SLC24A2: variants seen among roughly 807,000 people sequenced by gnomAD.
SLC24A2 encodes the protein sodium/potassium/calcium exchanger 2.
Under a neutral mutation model 62.0 loss-of-function variants are expected in SLC24A2, and 36 were observed. The observed-to-expected ratio is 0.58, with a 90% CI of 0.44 to 0.77. The LOEUF (loss-of-function observed/expected upper bound fraction) is 0.77. Ranked by LOEUF, SLC24A2 falls within the 30% of genes least tolerant of loss-of-function variation. SLC24A2 has a pLI of 0.00. For missense variants in SLC24A2, 846 were observed against 817.9 expected (o/e 1.03, Z -0.42); for synonymous variants, 358 against 294.0 (o/e 1.22, Z -2.23).
the SLC24A2 span, among the ~76,000 whole-genome samples, chr9:19,883,290 T>A: frequency 2.0e-5 from 3 of 152,220 alleles, no homozygotes; most frequent in African/African-American, 7.2e-5. Context: ...AAACTTCTAG[T>A]ATCATAATTG....
At chr9:20,179,193 G>A in the SLC24A2 span, among the ~76,000 whole-genome samples, 1 of 152,194 alleles carries the variant, frequency 6.6e-6, no homozygotes, top group Admixed American at 6.6e-5. Flanking sequence ...ACGACTCTTG[G>A]GGCCCAAGGG....
At chr9:20,011,795 CA>C in the SLC24A2 span, among the ~76,000 whole-genome samples, 1 of 152,040 alleles carries the variant, frequency 6.6e-6, no homozygotes, top group Non-Finnish European at 1.5e-5. Flanking sequence ...AAAAGAATAT[CA>C]AAAACAGCAA....
At chr9:19,539,098 T>C (rs201311394) in intron 8 of SLC24A2, among the ~76,000 whole-genome samples, 3 of 72,476 alleles carry the variant, frequency 4.1e-5, no homozygotes, top group African/African-American at 5.6e-5. Context: ...TCTCTCTTTT[T>C]TTCTTTATTA....
the SLC24A2 span, among the ~76,000 whole-genome samples, chr9:20,058,645 G>C: frequency 6.6e-6 from 1 of 152,138 alleles, no homozygotes; most frequent in Non-Finnish European, 1.5e-5. Flanking sequence ...GCTGCATGTA[G>C]AGACTCACGT....
intron 8 of SLC24A2, among the ~76,000 whole-genome samples, chr9:19,549,030 C>A (rs1242335920): frequency 4.6e-5 from 7 of 152,218 alleles, no homozygotes; most frequent in Admixed American, 2.6e-4. Flanking sequence ...CCCAAGAACT[C>A]ACTTCAACAA....
intron 2 of SLC24A2, among the ~76,000 whole-genome samples, chr9:19,637,508 A>G (rs2118050164): frequency 6.6e-6 from 1 of 152,368 alleles, no homozygotes; most frequent in African/African-American, 2.4e-5. Context: ...ACAAGGGGGA[A>G]GCAGAAGAAC....
chr9:20,235,441 T>G, the SLC24A2 span, among the ~76,000 whole-genome samples: 1 of 151,964 alleles, frequency 6.6e-6, no homozygotes, highest in East Asian at 1.9e-4. Context: ...CAGGTGCCCC[T>G]CCCCCAGCCT....
the SLC24A2 span, among the ~76,000 whole-genome samples, chr9:19,908,140 T>G: frequency 3.9e-5 from 6 of 152,262 alleles, no homozygotes; most frequent in Non-Finnish European, 7.4e-5. Context: ...AACAGAGATA[T>G]AGACCAATGG....
the SLC24A2 span, among the ~76,000 whole-genome samples, chr9:19,998,683 C>T: frequency 7.5e-4 from 114 of 152,206 alleles, no homozygotes; most frequent in Non-Finnish European, 1.4e-3. Context: ...TGCTGTTTTG[C>T]TCAAATCCGT....
At chr9:19,884,380 T>C in the SLC24A2 span, among the ~76,000 whole-genome samples, 1 of 152,152 alleles carries the variant, frequency 6.6e-6, no homozygotes, top group Non-Finnish European at 1.5e-5. Flanking sequence ...GTGTACACCA[T>C]CCTGGTTCTA....
chr9:19,982,353 T>TA, the SLC24A2 span, among the ~76,000 whole-genome samples: 3 of 152,072 alleles, frequency 2.0e-5, no homozygotes, highest in Middle Eastern at 3.2e-3. Context: ...CAGAGCAGAA[T>TA]AACCCATAAA....
chr9:19,658,277 A>G (rs1818997796), intron 2 of SLC24A2, among the ~76,000 whole-genome samples: 1 of 42 alleles, frequency 0.024, no homozygotes. Flanking sequence ...TACCAGGTTG[A>G]TAAGTGGTGG....
the SLC24A2 span, among the ~76,000 whole-genome samples, chr9:19,950,535 TATAAC>T: frequency 6.6e-6 from 1 of 152,248 alleles, no homozygotes; most frequent in African/African-American, 2.4e-5. Context: ...TGTCAAGTCT[TATAAC>T]AACCACGTAT....
At chr9:20,119,774 A>G in the SLC24A2 span, among the ~76,000 whole-genome samples, 1 of 152,224 alleles carries the variant, frequency 6.6e-6, no homozygotes, top group African/African-American at 2.4e-5. Flanking sequence ...GGAAATCAAA[A>G]AAGTAATAGT....
the SLC24A2 span, among the ~76,000 whole-genome samples, chr9:19,978,185 C>G: frequency 6.6e-6 from 1 of 152,122 alleles, no homozygotes; most frequent in Admixed American, 6.6e-5. Context: ...TAGCCATTTA[C>G]AAAGCTGGTT....
the SLC24A2 span, among the ~76,000 whole-genome samples, chr9:20,174,013 T>G: frequency 6.6e-6 from 1 of 152,032 alleles, no homozygotes; most frequent in Non-Finnish European, 1.5e-5. Context: ...CATAGACCAA[T>G]GTAACAGAAT....
At chr9:19,583,393 C>T (rs1440517676) in intron 5 of SLC24A2, among the ~76,000 whole-genome samples, 1 of 152,194 alleles carries the variant, frequency 6.6e-6, no homozygotes, top group Non-Finnish European at 1.5e-5. Context: ...GGTTTATTTT[C>T]TCTAAAGTAG....
At chr9:20,163,257 T>C in the SLC24A2 span, among the ~76,000 whole-genome samples, 4 of 152,102 alleles carry the variant, frequency 2.6e-5, no homozygotes, top group South Asian at 2.1e-4. Context: ...AAAATCTCCT[T>C]AAGCTGATAA....
chr9:20,076,319 T>C, the SLC24A2 span, among the ~76,000 whole-genome samples: 1 of 152,174 alleles, frequency 6.6e-6, no homozygotes, highest in African/African-American at 2.4e-5. Context: ...AAGTCACCCA[T>C]CTACTCAATG....
Sources: allele counts gnomAD v4.1 joint callset (sites outside exome capture counted in the v4.1 genomes callset), GRCh38; gene constraint gnomAD v4.1.1; transcripts MANE v1.5; gene names NCBI Gene and HGNC (gene_info 2026-07-23, HGNC 2026-07-21).